Variants in PAM observed in about 807,000 individuals in gnomAD.
PAM encodes peptidyl-glycine alpha-amidating monooxygenase.
Under a neutral mutation model 122.1 loss-of-function variants are expected in PAM, and 72 were observed. That is an observed-to-expected ratio of 0.59 (90% CI 0.49 to 0.72). PAM has a LOEUF of 0.72. Among genes scored for constraint, PAM ranks in the 30% least tolerant of loss-of-function variants. The pLI is 0.00. For synonymous variants in PAM, 389 were observed against 404.4 expected (o/e 0.96, Z 0.46); for missense variants, 1,106 against 1,183.7 (o/e 0.93, Z 0.96).
chr5:102,766,925 GATTTTT>G, intron 1 of PAM, among the ~76,000 whole-genome samples: 1 of 36,588 alleles, frequency 2.7e-5, no homozygotes, highest in Admixed American at 2.6e-4. Flanking sequence ...TTCAGTTGTG[GATTTTT>G]TTTTTTTTTT....
chr5:102,941,765 T>G (rs1273113186), intron 7 of PAM, among the ~76,000 whole-genome samples: 2 of 142,390 alleles, frequency 1.4e-5, no homozygotes, highest in Non-Finnish European at 3.0e-5. Context: ...CTGGTTAATT[T>G]GGATGACCAC....
At chr5:102,781,413 G>T (rs1376647931) in intron 1 of PAM, among the ~76,000 whole-genome samples, 1 of 152,114 alleles carries the variant, frequency 6.6e-6, no homozygotes, top group East Asian at 1.9e-4. Flanking sequence ...CATGTTAAAG[G>T]TTACAAAATC....
chr5:102,802,273 AT>A (rs1309610337), intron 1 of PAM, among the ~76,000 whole-genome samples: 1 of 152,166 alleles, frequency 6.6e-6, no homozygotes, highest in Non-Finnish European at 1.5e-5. Flanking sequence ...AATTCCTTTG[AT>A]TTTTAGATTC....
chr5:103,008,747 C>G (rs976420150), intron 20 of PAM, among the ~76,000 whole-genome samples: 1 of 152,092 alleles, frequency 6.6e-6, no homozygotes, highest in Non-Finnish European at 1.5e-5. Flanking sequence ...TCACAACTAT[C>G]ATTCTTTAGG....
At chr5:102,802,438 C>T (rs1357739578) in intron 1 of PAM, among the ~76,000 whole-genome samples, 1 of 152,058 alleles carries the variant, frequency 6.6e-6, no homozygotes, top group Admixed American at 6.5e-5. Context: ...CTTTGCATAG[C>T]TTCAGTCTAT....
At chr5:102,823,510 T>C (rs1772688512) in intron 1 of PAM, among the ~76,000 whole-genome samples, 1 of 152,200 alleles carries the variant, frequency 6.6e-6, no homozygotes, top group Non-Finnish European at 1.5e-5. Context: ...AAAGACTGAA[T>C]AACTGGGTGA....
intron 5 of PAM, among the ~76,000 whole-genome samples, chr5:102,915,150 G>A (rs1188934164): frequency 5.9e-5 from 9 of 152,004 alleles, no homozygotes; most frequent in Non-Finnish European, 4.4e-5. Context: ...TTAATAGTCC[G>A]AAATGACTGG....
chr5:102,805,783 C>T (rs180903066), intron 1 of PAM, among the ~76,000 whole-genome samples: 42 of 152,200 alleles, frequency 2.8e-4, no homozygotes, highest in Non-Finnish European at 3.8e-4. Flanking sequence ...GTACAAGACA[C>T]TGTGACAGTG....
At chr5:102,876,055 G>A (rs1311487477) in intron 3 of PAM, among the ~76,000 whole-genome samples, 1 of 152,086 alleles carries the variant, frequency 6.6e-6, no homozygotes, top group Admixed American at 6.5e-5. Context: ...TCTCTTATTT[G>A]GAATATCGTA....
At chr5:102,795,189 C>CAAAAAAAAAAAAAAAAAAAAA (rs33988105) in intron 1 of PAM, among the ~76,000 whole-genome samples, 7 of 59,660 alleles carry the variant, frequency 1.2e-4, no homozygotes, top group East Asian at 1.3e-3. Flanking sequence ...GACAATGTCT[C>CAAAAAAAAAAAAAAAAAAAAA]AAAAAAAAAA....
intron 7 of PAM, among the ~76,000 whole-genome samples, chr5:102,934,930 C>T (rs921663225): frequency 5.3e-5 from 8 of 152,114 alleles, no homozygotes. Context: ...GAAATTATTT[C>T]TTCATATTTG....
intron 3 of PAM, among the ~76,000 whole-genome samples, chr5:102,896,647 C>T (rs889140745): frequency 9.2e-5 from 14 of 151,564 alleles, no homozygotes; most frequent in Non-Finnish European, 1.5e-4. Context: ...CATTTGGGAA[C>T]GTTTTAACAT....
At position 103,007,019 on chromosome 5, in the gene PAM, A is replaced by G. The variant is rs374019028; in HGVS notation, c.2014+8A>G. The G allele has an allele frequency of 1.3e-5, 21 of 1,580,304 alleles. No homozygotes were observed. In the African/African-American group the frequency reaches 2.6e-4, roughly 19 times the overall value. The stretch of plus-strand genomic sequence containing the variant: ...TCACACAGTGGGGAGAAGGTACCCA[A>G]TAAGACTCTTAATCTCCAGTTGTAA... On this transcript the variant is annotated splice_region_variant and intron_variant, in intron 19 of 25. Coordinates refer to ENST00000438793, the MANE Select transcript of PAM (RefSeq NM_001177306.2).
intron 3 of PAM, among the ~76,000 whole-genome samples, chr5:102,896,668 C>T (rs1444704685): frequency 6.6e-6 from 1 of 151,592 alleles, no homozygotes; most frequent in Admixed American, 6.6e-5. Flanking sequence ...AAAATCTTCA[C>T]TATGACTGTT....
At chr5:102,942,911 C>T (rs555209779) in intron 7 of PAM, among the ~76,000 whole-genome samples, 4 of 151,898 alleles carry the variant, frequency 2.6e-5, no homozygotes, top group African/African-American at 7.2e-5. Flanking sequence ...TTTGTTTTTC[C>T]TAAGACTTGG....
At chr5:102,853,216 A>G (rs925128776) in intron 1 of PAM, among the ~76,000 whole-genome samples, 1 of 152,208 alleles carries the variant, frequency 6.6e-6, no homozygotes, top group Non-Finnish European at 1.5e-5. Context: ...CTGACATAAC[A>G]TTGATTATTC....
chr5:102,924,835 A>C (rs1050108215), intron 5 of PAM, 122 bp from the exon 6 acceptor site: 2 of 633,944 alleles, frequency 3.2e-6, no homozygotes, highest in African/African-American at 3.6e-5. Flanking sequence ...AATATCATGC[A>C]ATGATGATAT....
At chr5:102,804,771 AG>A (rs1461740139) in intron 1 of PAM, among the ~76,000 whole-genome samples, 2 of 152,228 alleles carry the variant, frequency 1.3e-5, no homozygotes, top group Non-Finnish European at 2.9e-5. Flanking sequence ...AGTGACTTAG[AG>A]GAACCAGAAG....
At chr5:103,000,866 A>G (rs1777176006) in intron 16 of PAM, among the ~76,000 whole-genome samples, 1 of 152,230 alleles carries the variant, frequency 6.6e-6, no homozygotes, top group Non-Finnish European at 1.5e-5. Flanking sequence ...CTCCCATGAC[A>G]TGTGGGGATT....
Sources: allele counts gnomAD v4.1 joint callset (sites outside exome capture counted in the v4.1 genomes callset), GRCh38; gene constraint gnomAD v4.1.1; transcripts MANE v1.5; gene names NCBI Gene and HGNC (gene_info 2026-07-23, HGNC 2026-07-21).